The following ZCCHC14 variants were observed in gnomAD, a reference collection of about 807,000 sequenced individuals.
ZCCHC14 encodes the protein zinc finger CCHC-type containing 14.
Under a neutral mutation model 85.0 loss-of-function variants are expected in ZCCHC14, and 16 were observed. The ratio of observed to expected loss-of-function variants is 0.19; its 90% CI spans 0.13 to 0.29. The LOEUF is 0.29. Among genes scored for constraint, ZCCHC14 ranks in the 10% least tolerant of loss-of-function variants. The probability of loss-of-function intolerance (pLI) is 1.00; values close to 1 mark genes in which losing one functional copy is unlikely to be tolerated. For synonymous variants in ZCCHC14, 775 were observed against 630.7 expected, an observed-to-expected ratio of 1.23 and a Z score of -3.43; for missense variants, 1,303 against 1,443.5, an observed-to-expected ratio of 0.90 and a Z score of 1.58.
chr16:87,454,127 G>A (rs1910839303), intron 2 of ZCCHC14, among the ~76,000 whole-genome samples: 1 of 151,768 alleles, frequency 6.6e-6, no homozygotes, highest in Non-Finnish European at 1.5e-5. Context: ...AGAGAGAGAA[G>A]AATTTGAAAA....
intron 3 of ZCCHC14, among the ~76,000 whole-genome samples, chr16:87,427,431 CAG>C (rs1304861471): frequency 6.6e-6 from 1 of 152,168 alleles, no homozygotes; most frequent in Non-Finnish European, 1.5e-5. Flanking sequence ...CTTTTTGAGA[CAG>C]AGTTTTGCTC....
chr16:87,425,609 GAAAAGA>G (rs1243371934), intron 3 of ZCCHC14, among the ~76,000 whole-genome samples: 1 of 151,504 alleles, frequency 6.6e-6, no homozygotes, highest in Non-Finnish European at 1.5e-5. Flanking sequence ...GAAAAGAAAA[GAAAAGA>G]AAATGTTTGA....
At chr16:87,422,097 C>T (rs988479471) in intron 4 of ZCCHC14, among the ~76,000 whole-genome samples, 10 of 152,124 alleles carry the variant, frequency 6.6e-5, no homozygotes, top group Admixed American at 4.6e-4. Flanking sequence ...CACAAACAAG[C>T]GGGAACTTTC....
intron 2 of ZCCHC14, among the ~76,000 whole-genome samples, chr16:87,438,340 T>C (rs1017437383): frequency 1.3e-5 from 2 of 152,260 alleles, no homozygotes; most frequent in Non-Finnish European, 2.9e-5. Flanking sequence ...AATGATATTA[T>C]GAAACTCTGC....
intron 2 of ZCCHC14, among the ~76,000 whole-genome samples, chr16:87,443,763 G>A (rs768030306): frequency 2.6e-4 from 40 of 151,380 alleles, no homozygotes; most frequent in East Asian, 2.0e-4. Context: ...AAAGCCAGGA[G>A]CTGCAGCTCA....
chr16:87,421,618 C>T (rs1213684128), intron 4 of ZCCHC14, among the ~76,000 whole-genome samples: 1 of 152,082 alleles, frequency 6.6e-6, no homozygotes, highest in Non-Finnish European at 1.5e-5. Flanking sequence ...CGAAAAGGGG[C>T]CGAGAGGGTA....
intron 1 of ZCCHC14, chr16:87,467,462 T>A: frequency 6.2e-7 from 1 of 1,607,014 alleles, no homozygotes; most frequent in Non-Finnish European, 8.5e-7. Context: ...CTGTTCACGG[T>A]GTGAGTACCT....
intron 2 of ZCCHC14, among the ~76,000 whole-genome samples, chr16:87,443,796 G>C (rs1910298393): frequency 6.6e-6 from 1 of 151,964 alleles, no homozygotes; most frequent in Non-Finnish European, 1.5e-5. Context: ...CAGCACTTTG[G>C]GAGGCTGAGG....
At chr16:87,435,017 A>G (rs983801242) in intron 2 of ZCCHC14, among the ~76,000 whole-genome samples, 2 of 114,816 alleles carry the variant, frequency 1.7e-5, no homozygotes, top group Non-Finnish European at 3.7e-5. Flanking sequence ...AAAAAAAAAG[A>G]CGTTTTTTGG....
intron 4 of ZCCHC14, among the ~76,000 whole-genome samples, chr16:87,421,476 G>A (rs1909091401): frequency 6.6e-6 from 1 of 152,176 alleles, no homozygotes; most frequent in Non-Finnish European, 1.5e-5. Context: ...GGGAGGGCAA[G>A]GCACTGAGGA....
rs567912979 is a variant in ZCCHC14 at position 87,491,690 on chromosome 16, G to A, written c.549C>T (p.Pro183=). Residue 183 remains proline (P), a synonymous_variant, in exon 1 of 13, where the codon CCC becomes CCT. Transcript: ENST00000671377. The surrounding 1 kb of genome is among the most constrained non-coding windows in gnomAD (Gnocchi z 5.9). The stretch of plus-strand genomic sequence containing the variant: ...GCACCTTGTGGCAGGCTGGGCAAGT[G>A]GGCAGCGCGCCGCCCGGCCCGGGCG... ...KGAPGPGGAL[P]TCPACHKITP... 2.1e-6 allele frequency: 3 copies of A among 1,425,766 alleles called. No homozygotes were observed. Among genetic ancestry groups the A allele is most frequent in the South Asian group, 3.0e-5 (2 of 66,116 alleles). The allele number at this position is 1,425,766 out of a possible 1,614,324, so 88.3% of individuals were successfully genotyped here. A position where few individuals can be genotyped will look rare whatever the true frequency, so the allele number is the denominator to read the frequency against.
intron 9 of ZCCHC14, 86 bp from the exon 10 acceptor site, chr16:87,414,627 C>T: frequency 2.0e-6 from 3 of 1,499,460 alleles, no homozygotes; most frequent in Non-Finnish European, 2.7e-6. Flanking sequence ...CTACTCCACA[C>T]CACAGGGCGG....
chr16:87,491,586 T>TCGCG lies in ZCCHC14; in HGVS notation c.570+79_570+82dup. The stretch of plus-strand genomic sequence containing the variant: ...CAGGCTGGAGGCGTGGGTCGGGGGG[T>TCGCG]CGCGGTGCAGGCTGGAGGCTTGGAG... On this transcript the variant is annotated intron_variant, in intron 1 of 12. Transcript: ENST00000671377. This position sits in a 1 kb window ranked among gnomAD's most constrained non-coding sequence, Gnocchi z 5.9. The TCGCG allele has an allele frequency of 1.6e-6, 2 of 1,230,722 alleles. No homozygotes were observed. Among genetic ancestry groups the TCGCG allele is most frequent in the Non-Finnish European group, 2.1e-6 (2 of 966,966 alleles). 76.2% of individuals were successfully genotyped at this position (1,230,722 alleles called of 1,614,324 possible). A position where few individuals can be genotyped will look rare whatever the true frequency, so the allele number is the denominator to read the frequency against.
In ZCCHC14 at chr16:87,493,009, C is replaced by T. The variant is rs142380017; in HGVS notation, c.-771G>A. On this transcript the variant is annotated 5_prime_UTR_variant, in exon 1 of 13. Coordinates refer to ENST00000671377, the MANE Select transcript of ZCCHC14 (RefSeq NM_015144.3). ...GTCGCGCTCGCGGCTGACGGGCGGC[C>T]GGGATCAGCAGAAGTGGGCGGGGTG... Among the ~76,000 whole-genome samples the T allele has an allele frequency of 0.022, 3,281 of 151,968 alleles. 67 individuals carry two copies. Among genetic ancestry groups the T allele is most frequent in the East Asian group, 0.1 (513 of 5,132 alleles).
chr16:87,451,006 C>T (rs898398974), intron 2 of ZCCHC14, among the ~76,000 whole-genome samples: 9 of 152,066 alleles, frequency 5.9e-5, no homozygotes, highest in African/African-American at 2.2e-4. Context: ...TCAAGCGATT[C>T]TCCTGCCTTA....
intron 3 of ZCCHC14, among the ~76,000 whole-genome samples, chr16:87,424,573 T>A (rs1384347229): frequency 6.6e-6 from 1 of 152,028 alleles, no homozygotes; most frequent in East Asian, 1.9e-4. Flanking sequence ...GAGGTCCATC[T>A]CCCCACATGC....
chr16:87,452,072 G>A (rs1910734744), intron 2 of ZCCHC14, among the ~76,000 whole-genome samples: 1 of 152,252 alleles, frequency 6.6e-6, no homozygotes, highest in East Asian at 1.9e-4. Context: ...GTGACGCAGT[G>A]TGTACTGGAC....
intron 6 of ZCCHC14, 101 bp downstream of exon 6, chr16:87,419,682 C>A (rs1475558112): frequency 1.0e-6 from 1 of 986,458 alleles, no homozygotes; most frequent in South Asian, 2.0e-5. Flanking sequence ...GTGATCCGCC[C>A]GCCTCAGCCT....
intron 9 of ZCCHC14, among the ~76,000 whole-genome samples, chr16:87,414,856 A>G (rs1193526186): frequency 1.3e-5 from 2 of 152,198 alleles, no homozygotes; most frequent in African/African-American, 4.8e-5. Flanking sequence ...CCAGGCGGGC[A>G]GATCGCCTGA....
Sources: allele counts gnomAD v4.1 joint callset (sites outside exome capture counted in the v4.1 genomes callset), GRCh38; gene constraint gnomAD v4.1.1; non-coding constraint Gnocchi (gnomAD v3.1); transcripts MANE v1.5; gene names NCBI Gene and HGNC (gene_info 2026-07-23, HGNC 2026-07-21).